Variants in EIF3M observed in about 807,000 individuals in gnomAD.
The protein encoded by EIF3M is eukaryotic translation initiation factor 3 subunit M.
Under a neutral mutation model 49.7 loss-of-function variants are expected in EIF3M, and 25 were observed. The observed-to-expected ratio is 0.50, with a 90% confidence interval of 0.37 to 0.70. The LOEUF (loss-of-function observed/expected upper bound fraction) is 0.70, where lower values mean the gene tolerates loss of function less well. Ranked by LOEUF, EIF3M falls within the 30% of genes least tolerant of loss-of-function variation. EIF3M has a pLI of 0.00. For missense variants in EIF3M, 350 were observed against 440.0 expected, an observed-to-expected ratio of 0.80 and a Z score of 1.83; for synonymous variants, 156 against 149.8, an observed-to-expected ratio of 1.04 and a Z score of -0.30.
At chr11:32,598,786 A>AT (rs1306223734) in intron 8 of EIF3M, among the ~76,000 whole-genome samples, 3 of 152,080 alleles carry the variant, frequency 2.0e-5, no homozygotes, top group African/African-American at 7.2e-5. Flanking sequence ...CTATCACTTT[A>AT]TATTGAAAGA....
At chr11:32,592,601 AC>A in intron 5 of EIF3M, 1 of 534,580 alleles carries the variant, frequency 1.9e-6, no homozygotes, top group South Asian at 1.4e-5. Context: ...AAGTCACAAA[AC>A]CAGAGTTTGT....
chr11:32,594,965 TCTTA>T lies in EIF3M; in HGVS notation c.673_676del (p.Thr225Ter), dbSNP rs1440349173. 1.2e-6 allele frequency: 2 copies of T among 1,613,762 alleles called. No individual in the cohort carries two copies. The highest frequency in any genetic ancestry group is 1.7e-6 in the Non-Finnish European group (2 of 1,179,824). ...CAAATGCATTTCTTTTTGACCACCT[TCTTA>T]CTTTAAAACCAGTCAAGTTTTTGGA... is the stretch of plus-strand genomic sequence containing the variant. On this transcript the variant is annotated frameshift_variant, in exon 7 of 11. Coordinates refer to ENST00000531120, the MANE Select transcript of EIF3M (RefSeq NM_006360.6). LOFTEE classifies it high-confidence loss of function.
chr11:32,594,221 C>A (rs986579610), intron 6 of EIF3M: 1 of 282,910 alleles, frequency 3.5e-6, no homozygotes, highest in East Asian at 6.0e-5. Flanking sequence ...AGAATTAGAA[C>A]CTAATCTTGG....
At position 32,602,466 on chromosome 11, in the gene EIF3M, T is replaced by TA. The variant is rs1008081588; in HGVS notation, c.*74dup. The TA allele has an allele frequency of 7.8e-6, 12 of 1,544,034 alleles. No individual in the cohort carries two copies. In the South Asian group the frequency reaches 1.0e-4, roughly 13 times the overall value. ...TAAATCATAGTAAAACATTATAAAC[T>TA]AAAAAAATTTGCCTAGTCTGGACAG... is the stretch of plus-strand genomic sequence containing the variant. On this transcript the variant is annotated 3_prime_UTR_variant, in exon 11 of 11. Transcript: ENST00000531120.
At position 32,602,638 on chromosome 11, in the gene EIF3M, G is replaced by T. The variant is rs559269796; in HGVS notation, c.*239G>T. Reference sequence around the variant, plus strand: ...GAAGCAATGAGCACTTTAAAGAAAGGATAATATACAGAGAGAAGACAGAAG... The same window carrying T: ...GAAGCAATGAGCACTTTAAAGAAAGTATAATATACAGAGAGAAGACAGAAG... On this transcript the variant is annotated 3_prime_UTR_variant, in exon 11 of 11. Transcript: ENST00000531120. The T allele has an allele frequency of 1.4e-4, 107 of 757,254 alleles. No individual in the cohort carries two copies. Among genetic ancestry groups the T allele is most frequent in the Middle Eastern group, 7.6e-4 (2 of 2,620 alleles). 46.9% of individuals were successfully genotyped at this position (757,254 alleles called of 1,614,324 possible). A position where few individuals can be genotyped will look rare whatever the true frequency, so the allele number is the denominator to read the frequency against.
At chr11:32,584,244 A>C (rs976314114) in intron 1 of EIF3M, 4 of 403,792 alleles carry the variant, frequency 9.9e-6, no homozygotes, top group Non-Finnish European at 1.8e-5. Flanking sequence ...ATGCAGCCAC[A>C]TTCGGAGTGG....
Position 32,583,866 on chromosome 11 carries a change from C to T in EIF3M, c.-22C>T, listed in dbSNP as rs773262984. ...CGGCGTGGTCTTGCGAGTGGAGTGTCCGCTGTGCCCGGGCCTGCACCATGA... is the reference window on the plus strand; with the variant it reads ...CGGCGTGGTCTTGCGAGTGGAGTGTTCGCTGTGCCCGGGCCTGCACCATGA... On this transcript the variant is annotated 5_prime_UTR_variant, in exon 1 of 11. Transcript: ENST00000531120. 5 of 1,611,422 alleles carry T rather than the reference C, an allele frequency of 3.1e-6. No individual in the cohort carries two copies. The highest frequency in any genetic ancestry group is 2.2e-5 in the East Asian group (1 of 44,806).
At position 32,583,866 on chromosome 11, in the gene EIF3M, C is replaced by A. The variant is rs773262984; in HGVS notation, c.-22C>A. ...CGGCGTGGTCTTGCGAGTGGAGTGT[C>A]CGCTGTGCCCGGGCCTGCACCATGA... On this transcript the variant is annotated 5_prime_UTR_variant, in exon 1 of 11. Transcript: ENST00000531120. The A allele has an allele frequency of 1.2e-6, 2 of 1,611,538 alleles. No individual in the cohort carries two copies. The highest frequency in any genetic ancestry group is 2.2e-5 in the South Asian group (2 of 90,816).
At chr11:32,589,159 G>T (rs775466054) in intron 4 of EIF3M, 24 bp downstream of exon 4, 1 of 1,604,754 alleles carries the variant, frequency 6.2e-7, no homozygotes, top group East Asian at 2.2e-5. Context: ...TGGAATAGTT[G>T]TTCTGCTTAT....
At chr11:32,598,061 G>A (rs1855206642) in intron 8 of EIF3M, among the ~76,000 whole-genome samples, 2 of 152,274 alleles carry the variant, frequency 1.3e-5, no homozygotes, top group Admixed American at 1.3e-4. Flanking sequence ...ACTAGACCCA[G>A]AAAACCACAT....
Position 32,593,850 on chromosome 11 carries a change from C to G in EIF3M, c.534-16C>G. 6.5e-7 allele frequency: 1 copy of G among 1,548,302 alleles called. No individual in the cohort carries two copies. Among genetic ancestry groups the G allele is most frequent in the Non-Finnish European group, 8.7e-7 (1 of 1,149,696 alleles). On this transcript the variant is annotated splice_polypyrimidine_tract_variant and intron_variant, in intron 5 of 10. Coordinates refer to ENST00000531120, the MANE Select transcript of EIF3M (RefSeq NM_006360.6). Reference sequence around the variant, plus strand: ...CAGTAATGCTTTCAAGTTCCTAAAGCAATATTTCTTTTTAGTGATGCTGCT... The same window carrying G: ...CAGTAATGCTTTCAAGTTCCTAAAGGAATATTTCTTTTTAGTGATGCTGCT...
In EIF3M at chr11:32,602,911, T is replaced by G. The variant is rs1267240165; in HGVS notation, c.*512T>G. 3.1e-6 allele frequency: 5 copies of G among 1,612,376 alleles called. No homozygotes were observed. The African/African-American group carries it at 5.3e-5, about 17-fold the overall frequency. On this transcript the variant is annotated 3_prime_UTR_variant, in exon 11 of 11. Transcript: ENST00000531120. ...TAGTAAATTTTCACTTTTATTTAGT[T>G]GATTCGTAATGAGGCTCTGCCAGTC... is the stretch of plus-strand genomic sequence containing the variant.
chr11:32,589,251 AC>A, intron 4 of EIF3M, 116 bp downstream of exon 4: 1 of 1,454,976 alleles, frequency 6.9e-7, no homozygotes, highest in African/African-American at 1.4e-5. Flanking sequence ...ATCTCAGCTC[AC>A]CGCAACCTCC....
At chr11:32,598,631 G>A (rs764716081) in intron 8 of EIF3M, among the ~76,000 whole-genome samples, 39 of 151,886 alleles carry the variant, frequency 2.6e-4, no homozygotes, top group Non-Finnish European at 1.8e-4. Flanking sequence ...AATAGATAAC[G>A]GTTTTATGGA....
intron 5 of EIF3M, chr11:32,592,757 G>A (rs551828307): frequency 9.1e-5 from 43 of 470,096 alleles, no homozygotes; most frequent in African/African-American, 8.5e-4. Flanking sequence ...GGCTCCTTTG[G>A]ATCATGGCCT....
chr11:32,600,438 T>G (rs537830103), intron 8 of EIF3M, among the ~76,000 whole-genome samples: 1 of 152,054 alleles, frequency 6.6e-6, no homozygotes, highest in African/African-American at 2.4e-5. Flanking sequence ...AATAATCATT[T>G]TATGGCCGAT....
chr11:32,585,316 A>G (rs1854978719), intron 1 of EIF3M, among the ~76,000 whole-genome samples: 1 of 152,196 alleles, frequency 6.6e-6, no homozygotes, highest in African/African-American at 2.4e-5. Flanking sequence ...TTTAACATAC[A>G]AAGTGAATGG....
chr11:32,583,837 C>T lies in EIF3M; in HGVS notation c.-51C>T. 2.5e-6 allele frequency: 4 copies of T among 1,599,020 alleles called. No homozygotes were observed. Among genetic ancestry groups the T allele is most frequent in the African/African-American group, 1.3e-5 (1 of 74,698 alleles). ...CGTCGCGCGGCCCAGTTCCCTTTTC[C>T]GGTCGGCGTGGTCTTGCGAGTGGAG... On this transcript the variant is annotated 5_prime_UTR_variant, in exon 1 of 11. Coordinates refer to ENST00000531120, the MANE Select transcript of EIF3M (RefSeq NM_006360.6).
intron 6 of EIF3M, 81 bp downstream of exon 6, chr11:32,594,030 A>G (rs963760716): frequency 4.0e-6 from 4 of 1,006,058 alleles, no homozygotes; most frequent in African/African-American, 1.7e-5. Flanking sequence ...AACTGAAATC[A>G]TGTTTGCAAC....
Sources: gnomAD v4.1 joint callset for allele counts (sites outside exome capture counted in the v4.1 genomes callset) on GRCh38, gnomAD v4.1.1 for gene constraint, MANE v1.5 for transcripts, NCBI Gene and HGNC (gene_info 2026-07-23, HGNC 2026-07-21) for gene names.